Variants in HDAC4 observed in about 807,000 individuals in gnomAD.
The protein encoded by HDAC4 is histone deacetylase 4, also known as histone deacetylase A.
In HDAC4, 16 loss-of-function variants were observed where a neutral mutation model predicts 135.1. The ratio of observed to expected loss-of-function variants is 0.12; its 90% confidence interval spans 0.08 to 0.18. The LOEUF (loss-of-function observed/expected upper bound fraction) is 0.18, where lower values mean the gene tolerates loss of function less well. Among genes scored for constraint, HDAC4 ranks in the 10% least tolerant of loss-of-function variants. The pLI, the probability that HDAC4 is intolerant of heterozygous loss-of-function variation, is 1.00. For synonymous variants in HDAC4, 685 were observed against 653.4 expected (o/e 1.05, Z -0.74); for missense variants, 1,143 against 1,511.8 (o/e 0.76, Z 4.05).
chr2:239,248,615 C>G (rs897909962), intron 2 of HDAC4, among the ~76,000 whole-genome samples: 10 of 152,200 alleles, frequency 6.6e-5, no homozygotes, highest in Non-Finnish European at 1.3e-4. Context: ...ACAATAACAG[C>G]TAAGTAACTC....
At chr2:239,374,746 G>A (rs1694888304) in intron 1 of HDAC4, among the ~76,000 whole-genome samples, 1 of 152,190 alleles carries the variant, frequency 6.6e-6, no homozygotes, top group Non-Finnish European at 1.5e-5. Context: ...TGCTAAATGG[G>A]ATAAATTTTA....
chr2:239,104,618 G>C (rs995958461), intron 15 of HDAC4, among the ~76,000 whole-genome samples: 1 of 152,252 alleles, frequency 6.6e-6, no homozygotes, highest in Non-Finnish European at 1.5e-5. Flanking sequence ...CCTCTGGACA[G>C]ACGGGCCTAG....
intron 16 of HDAC4, 99 bp from the exon 17 acceptor site, chr2:239,095,155 C>T: frequency 7.7e-7 from 1 of 1,293,280 alleles, no homozygotes; most frequent in Non-Finnish European, 1.1e-6. Context: ...GGCACTTGGG[C>T]ATTTGTGGGA....
At chr2:239,126,774 G>A (rs2152852707) in intron 11 of HDAC4, 80 bp from the exon 12 acceptor site, 1 of 1,459,820 alleles carries the variant, frequency 6.9e-7, no homozygotes, top group East Asian at 2.3e-5. Flanking sequence ...AGTAAGTGAT[G>A]GAGACAACTG....
At chr2:239,089,951 C>G in intron 18 of HDAC4, 58 bp downstream of exon 18, 1 of 1,306,664 alleles carries the variant, frequency 7.7e-7, no homozygotes. Context: ...CCCCTCCCCA[C>G]ACTGGGAATC....
intron 1 of HDAC4, among the ~76,000 whole-genome samples, chr2:239,370,674 C>T (rs1694543122): frequency 6.6e-6 from 1 of 152,212 alleles, no homozygotes; most frequent in Non-Finnish European, 1.5e-5. Context: ...CTTGTGCTGG[C>T]CAGGCACCTG....
At chr2:239,284,831 C>T (rs1379905927) in intron 2 of HDAC4, among the ~76,000 whole-genome samples, 1 of 152,212 alleles carries the variant, frequency 6.6e-6, no homozygotes, top group African/African-American at 2.4e-5. Flanking sequence ...TGAGGAGAGT[C>T]TGGGCTGCAG....
intron 2 of HDAC4, among the ~76,000 whole-genome samples, chr2:239,338,872 C>T (rs1321401637): frequency 6.6e-6 from 1 of 152,050 alleles, no homozygotes; most frequent in Non-Finnish European, 1.5e-5. Flanking sequence ...CCTCCAGGCT[C>T]CCCCCAAGGC....
chr2:239,226,064 G>A (rs537598479), intron 3 of HDAC4, among the ~76,000 whole-genome samples: 11 of 152,226 alleles, frequency 7.2e-5, no homozygotes, highest in African/African-American at 2.4e-4. Context: ...CATCTCCCTC[G>A]TCCTGGCGGC....
At chr2:239,364,728 G>C (rs1450363797) in intron 1 of HDAC4, among the ~76,000 whole-genome samples, 1 of 152,258 alleles carries the variant, frequency 6.6e-6, no homozygotes, top group Admixed American at 6.5e-5. Context: ...CTTGCACCAA[G>C]AAAGATCCAA....
chr2:239,188,442 A>G (rs898654023), intron 4 of HDAC4, among the ~76,000 whole-genome samples: 4 of 152,244 alleles, frequency 2.6e-5, no homozygotes, highest in African/African-American at 9.6e-5. Context: ...TACTCTGCAC[A>G]CTAGGTGGGC....
chr2:239,326,115 G>T (rs188773411), intron 2 of HDAC4, among the ~76,000 whole-genome samples: 1 of 151,936 alleles, frequency 6.6e-6, no homozygotes, highest in Non-Finnish European at 1.5e-5. Context: ...AAGTTAAGAC[G>T]GCCCAAAGGT....
At chr2:239,137,192 G>T (rs1001579955) in intron 9 of HDAC4, among the ~76,000 whole-genome samples, 9 of 152,202 alleles carry the variant, frequency 5.9e-5, no homozygotes, top group African/African-American at 1.9e-4. Flanking sequence ...CTGAGAAATC[G>T]CAGGGCGTTC....
intron 7 of HDAC4, among the ~76,000 whole-genome samples, chr2:239,150,836 T>A (rs1386162443): frequency 7.0e-6 from 1 of 142,134 alleles, no homozygotes. Context: ...TACCACACCT[T>A]CACATACAGC....
At chr2:239,241,038 G>T (rs1208539574) in intron 2 of HDAC4, among the ~76,000 whole-genome samples, 1 of 152,192 alleles carries the variant, frequency 6.6e-6, no homozygotes, top group Non-Finnish European at 1.5e-5. Flanking sequence ...CTCAAGGGCT[G>T]TGCAGTTTCC....
intron 3 of HDAC4, among the ~76,000 whole-genome samples, chr2:239,194,567 A>G (rs372502343): frequency 1.3e-5 from 2 of 152,334 alleles, no homozygotes; most frequent in South Asian, 4.1e-4. Context: ...CACCTGTGAA[A>G]CAGCCAGCGA....
chr2:239,134,226 C>G lies in HDAC4; in HGVS notation c.1294+19G>C. The stretch of plus-strand genomic sequence containing the variant: ...GGCAGCCTCAGAGCCTGGCTGCACC[C>G]AGGCCCATTTGTGCTCACCTGTGAC... On this transcript the variant is annotated intron_variant, in intron 11 of 26. Transcript: ENST00000543185. 1.2e-6 allele frequency: 2 copies of G among 1,603,096 alleles called. No individual in the cohort carries two copies. The highest frequency in any genetic ancestry group is 1.7e-6 in the Non-Finnish European group (2 of 1,176,572).
chr2:239,096,037 C>T (rs1037041344), intron 16 of HDAC4, among the ~76,000 whole-genome samples: 23 of 152,146 alleles, frequency 1.5e-4, no homozygotes, highest in Non-Finnish European at 3.1e-4. Flanking sequence ...GGGCTCCTCT[C>T]CCATTCTCAG....
rs949724774 is a variant in HDAC4, at chr2:239,313,926, G to A, written c.22+38752C>T. Among the ~76,000 whole-genome samples, 25 of 152,316 alleles carry A rather than the reference G, an allele frequency of 1.6e-4. No individual in the cohort carries two copies. The highest frequency in any genetic ancestry group is 4.8e-4 in the African/African-American group (20 of 41,578). On this transcript the variant is annotated intron_variant, in intron 2 of 26. Transcript: ENST00000543185. The surrounding 1 kb of genome is among the most constrained non-coding windows in gnomAD (Gnocchi z 5.1). ...CACTGCACCGTCCCTGTGAGTGTGC[G>A]TGGGGAGGGGCTGTAGTTCCCTTGG...
Sources: allele counts gnomAD v4.1 joint callset (sites outside exome capture counted in the v4.1 genomes callset), GRCh38; gene constraint gnomAD v4.1.1; non-coding constraint Gnocchi (gnomAD v3.1); transcripts MANE v1.5; gene names NCBI Gene and HGNC (gene_info 2026-07-23, HGNC 2026-07-21).